The following ZHX3 variants were observed in gnomAD, a reference collection of about 807,000 sequenced individuals.
The protein encoded by ZHX3 is zinc fingers and homeoboxes 3.
In ZHX3, 20 loss-of-function variants were observed where a neutral mutation model predicts 64.5. The ratio of observed to expected loss-of-function variants is 0.31; its 90% CI spans 0.22 to 0.45. ZHX3 has a LOEUF of 0.45. ZHX3 is among the 20% of genes least tolerant of loss of function. ZHX3 has a pLI of 1.00. For synonymous variants in ZHX3, 423 were observed against 461.6 expected, an observed-to-expected ratio of 0.92 and a Z score of 1.07; for missense variants, 1,041 against 1,195.8, an observed-to-expected ratio of 0.87 and a Z score of 1.91.
chr20:41,206,943 CG>C (rs2038764222), intron 2 of ZHX3, among the ~76,000 whole-genome samples: 1 of 152,240 alleles, frequency 6.6e-6, no homozygotes, highest in East Asian at 1.9e-4. Context: ...AGAATAACAG[CG>C]GATCTCTCGG....
At position 41,205,108 on chromosome 20, in the gene ZHX3, C is replaced by T. The variant is rs536030385; in HGVS notation, c.-150-42G>A. On this transcript the variant is annotated intron_variant, in intron 2 of 3. Transcript: ENST00000683867. Reference sequence around the variant, plus strand: ...AAAAATGATTAAGTTCTCTTAAGTGCTTTCTGTATATTTCTCGGATACCCA... The same window carrying T: ...AAAAATGATTAAGTTCTCTTAAGTGTTTTCTGTATATTTCTCGGATACCCA... 5.1e-6 allele frequency: 5 copies of T among 974,860 alleles called. No individual in the cohort carries two copies. In the East Asian group the frequency reaches 1.5e-4, roughly 30 times the overall value. 60.4% of individuals were successfully genotyped at this position (974,860 alleles called of 1,614,324 possible). A position where few individuals can be genotyped will look rare whatever the true frequency, so the allele number is the denominator to read the frequency against.
At chr20:41,311,760 T>C (rs1168532084) in intron 1 of ZHX3, among the ~76,000 whole-genome samples, 2 of 152,226 alleles carry the variant, frequency 1.3e-5, no homozygotes, top group Non-Finnish European at 2.9e-5. Context: ...ACAGAAGTGG[T>C]AATATAATTA....
chr20:41,312,675 C>T (rs187630360), intron 1 of ZHX3, among the ~76,000 whole-genome samples: 3 of 152,232 alleles, frequency 2.0e-5, no homozygotes, highest in East Asian at 3.9e-4. Flanking sequence ...TGAGACTGGA[C>T]GTTTAAGGAT....
chr20:41,315,345 GCTTT>G (rs999843368), intron 1 of ZHX3, among the ~76,000 whole-genome samples: 10 of 122,798 alleles, frequency 8.1e-5, no homozygotes, highest in Non-Finnish European at 9.8e-5. Context: ...ACCAGGCCTG[GCTTT>G]TTTTTTTTTT....
chr20:41,278,696 T>C (rs2043513516), intron 1 of ZHX3, among the ~76,000 whole-genome samples: 1 of 141,836 alleles, frequency 7.1e-6, no homozygotes. Flanking sequence ...AGTATAAGAC[T>C]ATAGAGGAAA....
chr20:41,317,577 G>A lies in ZHX3; in HGVS notation c.-313C>T, dbSNP rs972354753. 2.2e-4 allele frequency: 32 copies of A among 147,052 alleles called. No homozygotes were observed. The highest frequency in any genetic ancestry group is 2.2e-3 in the Admixed American group (32 of 14,806). The allele number at this position is 147,052 out of a possible 1,614,324, so 9.1% of individuals were successfully genotyped here. A position where few individuals can be genotyped will look rare whatever the true frequency, so the allele number is the denominator to read the frequency against. ...TCCCGCGCTGCGGGCCTCCCTCCCCGCGGCCGGGCGGGCGGCCGGCGCAGG... is the reference window on the plus strand; with the variant it reads ...TCCCGCGCTGCGGGCCTCCCTCCCCACGGCCGGGCGGGCGGCCGGCGCAGG... On this transcript the variant is annotated 5_prime_UTR_variant, in exon 1 of 4. Coordinates refer to ENST00000683867, the MANE Select transcript of ZHX3 (RefSeq NM_001384317.1).
chr20:41,312,590 T>C (rs1299105218), intron 1 of ZHX3, among the ~76,000 whole-genome samples: 9 of 152,086 alleles, frequency 5.9e-5, no homozygotes, highest in Non-Finnish European at 1.0e-4. Flanking sequence ...TGTGCTGAGA[T>C]AGAGGACAAT....
In ZHX3 at chr20:41,181,649, C is replaced by T. The variant is rs1323691327; in HGVS notation, c.*3542G>A. On this transcript the variant is annotated 3_prime_UTR_variant, in exon 4 of 4. Transcript: ENST00000683867. Reference sequence around the variant, plus strand: ...CAGCCAGGGACAGATGTCCCAGAGCCAGGAGAGAGAGGGAGAGAACACAGG... The same window carrying T: ...CAGCCAGGGACAGATGTCCCAGAGCTAGGAGAGAGAGGGAGAGAACACAGG... 6.6e-6 allele frequency: 1 copy of T among 152,254 alleles called. No homozygotes were observed. The highest frequency in any genetic ancestry group is 1.5e-5 in the Non-Finnish European group (1 of 68,124). The allele number at this position is 152,254 out of a possible 1,614,324, so 9.4% of individuals were successfully genotyped here.
At chr20:41,313,368 G>A (rs920270658) in intron 1 of ZHX3, among the ~76,000 whole-genome samples, 1 of 152,066 alleles carries the variant, frequency 6.6e-6, no homozygotes. Context: ...TGCATCCAGG[G>A]GGTTCTAGGG....
intron 2 of ZHX3, among the ~76,000 whole-genome samples, chr20:41,253,639 T>C (rs1457622000): frequency 6.6e-6 from 1 of 152,186 alleles, no homozygotes; most frequent in African/African-American, 2.4e-5. Flanking sequence ...TCTAGGTGTC[T>C]GGGTTTTATA....
At chr20:41,220,567 CACAAAAGCTGG>C (rs1208061271) in intron 2 of ZHX3, among the ~76,000 whole-genome samples, 5 of 152,064 alleles carry the variant, frequency 3.3e-5, no homozygotes, top group African/African-American at 1.2e-4. Context: ...GTTCAAGTTC[CACAAAAGCTGG>C]ATCTGCTTGT....
At chr20:41,265,430 G>A (rs972138356) in intron 2 of ZHX3, among the ~76,000 whole-genome samples, 122 of 152,034 alleles carry the variant, frequency 8.0e-4, no homozygotes, top group Non-Finnish European at 8.4e-4. Flanking sequence ...TCAAACTCCC[G>A]ACCTCAGATA....
At chr20:41,221,558 T>C (rs951047673) in intron 2 of ZHX3, among the ~76,000 whole-genome samples, 10 of 152,134 alleles carry the variant, frequency 6.6e-5, no homozygotes, top group Non-Finnish European at 1.5e-4. Flanking sequence ...ATTTACATTC[T>C]AGTTTGGGGG....
chr20:41,201,485 C>A lies in ZHX3; in HGVS notation c.2860+572G>T. On this transcript the variant is annotated intron_variant, in intron 3 of 3. Coordinates refer to ENST00000683867, the MANE Select transcript of ZHX3 (RefSeq NM_001384317.1). The surrounding 1 kb of genome is among the most constrained non-coding windows in gnomAD (Gnocchi z 5.0). ...GATACATTTTGCTTTCGAGTACAAT[C>A]CAGAGAAACTGAGGAACAAAATTCA... 1 of 782,712 alleles carries A rather than the reference C, an allele frequency of 1.3e-6. No homozygotes were observed. 48.5% of individuals were successfully genotyped at this position (782,712 alleles called of 1,614,324 possible).
At chr20:41,252,838 G>C (rs919685918) in intron 2 of ZHX3, among the ~76,000 whole-genome samples, 1 of 151,948 alleles carries the variant, frequency 6.6e-6, no homozygotes, top group Non-Finnish European at 1.5e-5. Context: ...CACAACAAAC[G>C]AACCCCATTA....
At chr20:41,311,500 T>C (rs2045136710) in intron 1 of ZHX3, among the ~76,000 whole-genome samples, 1 of 152,238 alleles carries the variant, frequency 6.6e-6, no homozygotes, top group East Asian at 1.9e-4. Flanking sequence ...TATAACATCC[T>C]AACCCAAGTG....
Position 41,203,336 on chromosome 20 carries a change from G to A in ZHX3, c.1581C>T (p.Leu527=), listed in dbSNP as rs369104783. Residue 527 remains leucine (L), a synonymous_variant, in exon 3 of 4, where the codon CTC becomes CTT. Transcript: ENST00000683867. This position sits in a 1 kb window ranked among gnomAD's most constrained non-coding sequence, Gnocchi z 7.1. ...QFPGQSEVEH[L]TKVTGLSTRE... is the part of the protein sequence containing the mutation. ...TGGTACTGAGGCCCGTCACTTTTGTGAGATGTTCAACTTCGCTCTGCCCTG... is the reference window on the plus strand; with the variant it reads ...TGGTACTGAGGCCCGTCACTTTTGTAAGATGTTCAACTTCGCTCTGCCCTG... The A allele has an allele frequency of 2.5e-5, 41 of 1,614,044 alleles. 1 individual carries two copies. In the African/African-American group the frequency reaches 4.7e-4, roughly 18 times the overall value.
In ZHX3 at chr20:41,276,580, T is replaced by G. The variant is rs79535228; in HGVS notation, c.-244-7497A>C. 2.5e-3 allele frequency among the ~76,000 whole-genome samples: 377 copies of G among 152,300 alleles called. 2 individuals carry two copies. The highest frequency in any genetic ancestry group is 8.8e-3 in the African/African-American group (366 of 41,564). On this transcript the variant is annotated intron_variant, in intron 1 of 3. Coordinates refer to ENST00000683867, the MANE Select transcript of ZHX3 (RefSeq NM_001384317.1). ...CTTTTTTTCTTTCTGTAAAGGGAGT[T>G]TTCAGTTAATTTGCAGGCCTGCCGT...
intron 1 of ZHX3, among the ~76,000 whole-genome samples, chr20:41,300,501 G>A (rs374095156): frequency 1.3e-5 from 2 of 152,160 alleles, no homozygotes; most frequent in African/African-American, 2.4e-5. Flanking sequence ...CCTAGATCAC[G>A]CAGTATTTCA....
Sources: gnomAD v4.1 joint callset for allele counts (sites outside exome capture counted in the v4.1 genomes callset) on GRCh38, gnomAD v4.1.1 for gene constraint, Gnocchi (gnomAD v3.1) non-coding constraint, MANE v1.5 for transcripts, NCBI Gene and HGNC (gene_info 2026-07-23, HGNC 2026-07-21) for gene names.